The following YTHDF3 variants were observed in gnomAD, a reference collection of about 807,000 sequenced individuals.
The protein encoded by YTHDF3 is YTH domain-containing family protein 3.
A neutral mutation model predicts 52.5 loss-of-function variants in YTHDF3; 9 were observed. The observed-to-expected ratio is 0.17, with a 90% CI of 0.10 to 0.30. The LOEUF is 0.30. Ranked by LOEUF, YTHDF3 falls within the 10% of genes least tolerant of loss-of-function variation. The pLI, the probability that YTHDF3 is intolerant of heterozygous loss-of-function variation, is 1.00. For missense variants in YTHDF3, 534 were observed against 715.0 expected, an observed-to-expected ratio of 0.75 and a Z score of 2.89; for synonymous variants, 274 against 243.3, an observed-to-expected ratio of 1.13 and a Z score of -1.18.
At chr8:63,179,656 C>A (rs1310377506) in intron 3 of YTHDF3, among the ~76,000 whole-genome samples, 1 of 152,358 alleles carries the variant, frequency 6.6e-6, no homozygotes, top group East Asian at 1.9e-4. Flanking sequence ...ATTTCTCAAT[C>A]TTTTCCCCAC....
At chr8:63,202,030 G>C (rs1809674533) in intron 4 of YTHDF3, among the ~76,000 whole-genome samples, 1 of 152,100 alleles carries the variant, frequency 6.6e-6, no homozygotes, top group South Asian at 2.1e-4. Context: ...TCATTCAACA[G>C]ATAAATAATA....
At chr8:63,193,820 G>C (rs1190028397) in intron 4 of YTHDF3, among the ~76,000 whole-genome samples, 2 of 152,150 alleles carry the variant, frequency 1.3e-5, no homozygotes, top group Non-Finnish European at 2.9e-5. Context: ...AAGTTTGACA[G>C]TATCAAGTAT....
chr8:63,168,584 T>G, upstream of YTHDF3: 14 of 527,690 alleles, frequency 2.7e-5, no homozygotes, highest in East Asian at 1.0e-4. Flanking sequence ...GACGTCAGAG[T>G]GGAGAGCGGA....
chr8:63,169,562 T>TA (rs1389950559), intron 2 of YTHDF3, 151 bp downstream of exon 2: 1 of 808,064 alleles, frequency 1.2e-6, no homozygotes, highest in African/African-American at 1.8e-5. Context: ...AGCCAAGTTC[T>TA]ATCCAGAACT....
At chr8:63,188,038 A>G (rs1443666735) in intron 4 of YTHDF3, among the ~76,000 whole-genome samples, 1 of 152,196 alleles carries the variant, frequency 6.6e-6, no homozygotes, top group Admixed American at 6.5e-5. Context: ...GGCATTTGTA[A>G]CTAAACAGAC....
chr8:63,200,416 T>C (rs1042953816), intron 4 of YTHDF3, among the ~76,000 whole-genome samples: 1 of 151,002 alleles, frequency 6.6e-6, no homozygotes, highest in South Asian at 2.1e-4. Flanking sequence ...TTTCTTTTTC[T>C]TTTTTTTCTT....
In YTHDF3 at chr8:63,186,173, T is replaced by C. The variant is rs1469859901; in HGVS notation, c.162T>C (p.Asp54=). 1 of 1,613,152 alleles carries C rather than the reference T, an allele frequency of 6.2e-7. No homozygotes were observed. The highest frequency in any genetic ancestry group is 8.5e-7 in the Non-Finnish European group (1 of 1,179,296). The stretch of plus-strand genomic sequence containing the variant: ...GTAACAGCTATCCACCAATGTCAGA[T>C]CCATACATGCCTAGTTACTATGCTC... ...NQSNSYPPMS[D]PYMPSYYAPS... The change falls in exon 4 of 5, where the codon GAT becomes GAC. Residue 54 remains aspartate (D), a synonymous_variant. Coordinates refer to ENST00000539294, the MANE Select transcript of YTHDF3 (RefSeq NM_152758.6).
At chr8:63,177,249 A>G (rs967877966) in intron 3 of YTHDF3, among the ~76,000 whole-genome samples, 4 of 152,190 alleles carry the variant, frequency 2.6e-5, no homozygotes, top group African/African-American at 9.7e-5. Context: ...ATGCAGGATT[A>G]TTTTTAGGAT....
intron 4 of YTHDF3, among the ~76,000 whole-genome samples, chr8:63,206,882 G>A (rs1162777905): frequency 6.6e-6 from 1 of 151,328 alleles, no homozygotes; most frequent in Non-Finnish European, 1.5e-5. Context: ...TATCTGTTTT[G>A]TTTCCAAAAT....
In YTHDF3 at chr8:63,187,937, C is replaced by A. The variant is rs529341166; in HGVS notation, c.1734+192C>A. 2.6e-5 allele frequency among the ~76,000 whole-genome samples: 4 copies of A among 152,280 alleles called. No individual in the cohort carries two copies. The South Asian group carries it at 8.3e-4, about 32-fold the overall frequency. ...TTCTTTCCTTTCCCAGGGTAACTCA[C>A]GCTGAGTTAGCCTCTTGCTCATTCT... On this transcript the variant is annotated intron_variant, in intron 4 of 4. Coordinates refer to ENST00000539294, the MANE Select transcript of YTHDF3 (RefSeq NM_152758.6).
chr8:63,168,882 C>T lies in YTHDF3; in HGVS notation c.5C>T (p.Ser2Leu), dbSNP rs1412422698. 1 of 1,554,348 alleles carries T rather than the reference C, an allele frequency of 6.4e-7. No individual in the cohort carries two copies. The highest frequency in any genetic ancestry group is 8.7e-7 in the Non-Finnish European group (1 of 1,149,032). MSATSVDQRPKG... is the reference protein window; with the variant it reads MLATSVDQRPKG... ...GCTCTCGGGTTGCGGTGAAGAATGT[C>T]AGCCACTAGCGTGGATCAGGTGAGG... Residue 2 changes from serine (S) to leucine (L), a missense_variant, in exon 1 of 5, where the codon TCA becomes TTA. Transcript: ENST00000539294.
chr8:63,196,834 G>GCCAC (rs1406552349), intron 4 of YTHDF3, among the ~76,000 whole-genome samples: 4 of 152,128 alleles, frequency 2.6e-5, no homozygotes, highest in African/African-American at 7.2e-5. Context: ...AAAGAGCTTA[G>GCCAC]CCACGTACTG....
Position 63,187,578 on chromosome 8 carries a change from A to G in YTHDF3, c.1567A>G (p.Asn523Asp). ...CCAATTACGGCATATTCGCTTAGAA[A>G]ATAATGACAACAAACCGGTTACCAA... Reference protein sequence around the residue: ...NNQLRHIRLENNDNKPVTNSR... With the variant: ...NNQLRHIRLEDNDNKPVTNSR... Residue 523 changes from asparagine to aspartate, a missense_variant, in exon 4 of 5, where the codon AAT becomes GAT. This residue lies in a region of YTHDF3 where 135 missense variants were observed against 214.2 expected (regional missense o/e 0.63). Coordinates refer to ENST00000539294, the MANE Select transcript of YTHDF3 (RefSeq NM_152758.6). 1.2e-6 allele frequency: 2 copies of G among 1,613,796 alleles called. No homozygotes were observed. The highest frequency in any genetic ancestry group is 1.7e-6 in the Non-Finnish European group (2 of 1,179,770).
Position 63,186,817 on chromosome 8 carries a change from C to T in YTHDF3, c.806C>T (p.Pro269Leu). Residue 269 changes from proline (P) to leucine (L), a missense_variant, in exon 4 of 5, where the codon CCT becomes CTT. By Grantham distance (98) the Pro-to-Leu change is moderately conservative (BLOSUM62 -3). Around this residue, in one of 3 missense-constraint regions of YTHDF3, gnomAD observed 203 missense variants for 201.3 expected, o/e 1.01. Coordinates refer to ENST00000539294, the MANE Select transcript of YTHDF3 (RefSeq NM_152758.6). ...GIGGSAVPPP[P>L]IKHNMNIGTW... is the part of the protein sequence containing the mutation. ...GGGGGTTCTGCTGTACCACCACCTC[C>T]TATAAAACACAACATGAATATTGGA... The T allele has an allele frequency of 1.2e-6, 2 of 1,613,946 alleles. No homozygotes were observed. The highest frequency in any genetic ancestry group is 1.7e-5 in the Admixed American group (1 of 60,018).
Position 63,173,202 on chromosome 8 carries a change from T to TATATATATATATATATATA in YTHDF3, c.50-2129_50-2128insATATATATATATATATATA, listed in dbSNP as rs1554533375. On this transcript the variant is annotated intron_variant, in intron 2 of 4. Coordinates refer to ENST00000539294, the MANE Select transcript of YTHDF3 (RefSeq NM_152758.6). Reference sequence around the variant, plus strand: ...AAAAATAAGAATAACAGGATTATATTTATATATATATACAGATAAATTTTA... The same window carrying TATATATATATATATATATA: ...AAAAATAAGAATAACAGGATTATATTATATATATATATATATATATATATATATATACAGATAAATTTTA... Among the ~76,000 whole-genome samples the TATATATATATATATATATA allele has an allele frequency of 2.3e-3, 285 of 125,834 alleles. 2 individuals are homozygous for TATATATATATATATATATA. Among genetic ancestry groups the TATATATATATATATATATA allele is most frequent in the African/African-American group, 0.01 (254 of 24,734 alleles). 82.6% of individuals were successfully genotyped at this position (125,834 alleles called of 152,430 possible). A position where few individuals can be genotyped will look rare whatever the true frequency, so the allele number is the denominator to read the frequency against.
chr8:63,187,089 A>G lies in YTHDF3; in HGVS notation c.1078A>G (p.Arg360Gly). ...LQNRWVAPRNRGAGFNQNNGA... is the reference protein window; with the variant it reads ...LQNRWVAPRNGGAGFNQNNGA... ...GAATCGCTGGGTAGCTCCTCGTAACAGGGGAGCAGGCTTCAACCAGAACAA... is the reference window on the plus strand; with the variant it reads ...GAATCGCTGGGTAGCTCCTCGTAACGGGGGAGCAGGCTTCAACCAGAACAA... The change falls in exon 4 of 5, where the codon AGG becomes GGG. Residue 360 changes from arginine (R) to glycine (G), a missense_variant. This residue lies in a region of YTHDF3 where 203 missense variants were observed against 201.3 expected (regional missense o/e 1.01). Coordinates refer to ENST00000539294, the MANE Select transcript of YTHDF3 (RefSeq NM_152758.6). 3.1e-6 allele frequency: 5 copies of G among 1,613,828 alleles called. No individual in the cohort carries two copies. The highest frequency in any genetic ancestry group is 3.4e-6 in the Non-Finnish European group (4 of 1,179,806).
chr8:63,171,624 G>A (rs1362395960), intron 2 of YTHDF3, among the ~76,000 whole-genome samples: 1 of 152,214 alleles, frequency 6.6e-6, no homozygotes, highest in African/African-American at 2.4e-5. Context: ...AAGTAGCTAT[G>A]TGTGTATTTG....
chr8:63,168,978 C>T, intron 1 of YTHDF3, 77 bp downstream of exon 1: 2 of 1,518,646 alleles, frequency 1.3e-6, no homozygotes, highest in Non-Finnish European at 8.8e-7. Flanking sequence ...TTCGGCTCCT[C>T]CCCGTCGCCG....
chr8:63,179,820 C>T (rs1411098541), intron 3 of YTHDF3, among the ~76,000 whole-genome samples: 4 of 151,786 alleles, frequency 2.6e-5, no homozygotes, highest in Non-Finnish European at 5.9e-5. Context: ...CCTCACCTCC[C>T]GGACGGGGCG....
Sources: gnomAD v4.1 joint callset for allele counts (sites outside exome capture counted in the v4.1 genomes callset) on GRCh38, gnomAD v4.1.1 for gene constraint, gnomAD v4.1.1 regional missense constraint, MANE v1.5 for transcripts, NCBI Gene and HGNC (gene_info 2026-07-23, HGNC 2026-07-21) for gene names.